The following MRPL21 variants were observed in gnomAD, a reference collection of about 807,000 sequenced individuals.
MRPL21 encodes large ribosomal subunit protein bL21m.
In MRPL21, 20 loss-of-function variants were observed where a neutral mutation model predicts 27.3. The ratio of observed to expected loss-of-function variants is 0.73; its 90% confidence interval spans 0.52 to 1.06. The LOEUF is 1.06. Among genes scored for constraint, MRPL21 ranks in the 50% least tolerant of loss-of-function variants. The pLI, the probability that MRPL21 is intolerant of heterozygous loss-of-function variation, is 0.00. For missense variants in MRPL21, 249 were observed against 251.4 expected (o/e 0.99, Z 0.06); for synonymous variants, 98 against 101.5 (o/e 0.97, Z 0.21).
intron 3 of MRPL21, 104 bp from the exon 4 acceptor site, chr11:68,896,782 C>T (rs3802749): frequency 0.29 from 425,002 of 1,468,762 alleles, 63,416 homozygotes; most frequent in Admixed American, 0.46. Context: ...GTGGACCTGA[C>T]AGCCAGCACC....
At chr11:68,892,007 G>A (rs1196085018) in intron 6 of MRPL21, 1 of 1,049,826 alleles carries the variant, frequency 9.5e-7, no homozygotes, top group Admixed American at 3.6e-5. Flanking sequence ...CTGCTTTGGG[G>A]ACAGTGCTAG....
At chr11:68,903,482 C>T (rs1402725257) in intron 1 of MRPL21, among the ~76,000 whole-genome samples, 1 of 152,222 alleles carries the variant, frequency 6.6e-6, no homozygotes, top group Non-Finnish European at 1.5e-5. Context: ...GAGCCTCACT[C>T]TTCTCCCCCA....
intron 4 of MRPL21, among the ~76,000 whole-genome samples, chr11:68,895,157 A>G (rs1445062416): frequency 1.3e-5 from 2 of 152,058 alleles, no homozygotes; most frequent in Admixed American, 6.6e-5. Flanking sequence ...CCAGCTACTC[A>G]GGAGGCTGAG....
intron 6 of MRPL21, chr11:68,891,811 T>C (rs1566412916): frequency 2.2e-6 from 1 of 463,542 alleles, no homozygotes; most frequent in South Asian, 5.8e-5. Flanking sequence ...TATTTAACTA[T>C]GCCCACTGTT....
chr11:68,899,027 A>G (rs1300849520), intron 2 of MRPL21, among the ~76,000 whole-genome samples: 1 of 152,132 alleles, frequency 6.6e-6, no homozygotes, highest in African/African-American at 2.4e-5. Flanking sequence ...GCCTCAAGTG[A>G]TCCGCCCACC....
In MRPL21 at chr11:68,896,603, C is replaced by T; in HGVS notation, c.308G>A (p.Ser103Asn). ...GRLFAVVHFA[S>N]RQWKVTSEDL... ...TTCAGAGGTCACCTTCCACTGGCGG[C>T]TGGCAAAGTGCACCACGGCAAAGAG... Residue 103 changes from serine to asparagine, a missense_variant, in exon 4 of 7, where the codon AGC (serine) becomes AAC (asparagine). By Grantham distance (46) the Ser-to-Asn change is conservative. Transcript: ENST00000362034. 6.2e-7 allele frequency: 1 copy of T among 1,614,236 alleles called. No individual in the cohort carries two copies. The highest frequency in any genetic ancestry group is 8.5e-7 in the Non-Finnish European group (1 of 1,180,036).
chr11:68,900,460 G>T, intron 2 of MRPL21, 88 bp downstream of exon 2: 1 of 1,187,514 alleles, frequency 8.4e-7, no homozygotes, highest in Non-Finnish European at 1.2e-6. Context: ...ATATTATTGA[G>T]AACCAAAAGG....
chr11:68,901,696 C>T (rs1857939341), intron 1 of MRPL21, among the ~76,000 whole-genome samples: 2 of 152,218 alleles, frequency 1.3e-5, no homozygotes, highest in South Asian at 2.1e-4. Flanking sequence ...GCATCCAGTC[C>T]GATGGATTTA....
At chr11:68,893,583 C>T in intron 4 of MRPL21, 128 bp from the exon 5 acceptor site, 2 of 1,219,822 alleles carry the variant, frequency 1.6e-6, no homozygotes, top group South Asian at 2.8e-5. Context: ...ACATGAATTT[C>T]ATCTGCTGTC....
intron 4 of MRPL21, 77 bp from the exon 5 acceptor site, chr11:68,893,532 T>C: frequency 1.3e-6 from 2 of 1,543,786 alleles, no homozygotes; most frequent in Admixed American, 1.7e-5. Flanking sequence ...CAGGTAGTGA[T>C]GTCAACACCA....
chr11:68,895,587 T>A (rs1857766743), intron 4 of MRPL21, among the ~76,000 whole-genome samples: 1 of 152,044 alleles, frequency 6.6e-6, no homozygotes, highest in African/African-American at 2.4e-5. Flanking sequence ...GAGGTGGGGG[T>A]TGCAGTGAGC....
intron 4 of MRPL21, among the ~76,000 whole-genome samples, chr11:68,895,705 G>T (rs1186945968): frequency 1.3e-5 from 2 of 152,138 alleles, no homozygotes; most frequent in Non-Finnish European, 2.9e-5. Flanking sequence ...GGGTCTCGCT[G>T]TGTTGCCCAG....
intron 6 of MRPL21, 190 bp from the exon 7 acceptor site, chr11:68,891,585 G>A: frequency 1.6e-6 from 1 of 636,374 alleles, no homozygotes; most frequent in Non-Finnish European, 2.8e-6. Flanking sequence ...GTTGGCAGGT[G>A]CAGAGGCTGG....
chr11:68,897,438 A>G lies in MRPL21; in HGVS notation c.232+489T>C, dbSNP rs138266342. ...CGCACGGAATCTCAAACGGTATTTA[A>G]CATATAAGAAGATTCCACTCGAGGA... On this transcript the variant is annotated intron_variant, in intron 3 of 6. Coordinates refer to ENST00000362034, the MANE Select transcript of MRPL21 (RefSeq NM_181514.2). 2.4e-3 allele frequency among the ~76,000 whole-genome samples: 362 copies of G among 152,336 alleles called. 2 individuals carry two copies. Among genetic ancestry groups the G allele is most frequent in the African/African-American group, 8.2e-3 (341 of 41,566 alleles).
chr11:68,895,689 G>C (rs1019569080), intron 4 of MRPL21, among the ~76,000 whole-genome samples: 1 of 151,944 alleles, frequency 6.6e-6, no homozygotes, highest in Admixed American at 6.6e-5. Context: ...AGTTTTTTTT[G>C]AGACAGGGTC....
In MRPL21 at chr11:68,903,737, G is replaced by A. The variant is rs138824749; in HGVS notation, c.74C>T (p.Ser25Leu). 5.9e-4 allele frequency: 947 copies of A among 1,613,272 alleles called. 4 individuals are homozygous for A. In the African/African-American group the frequency reaches 0.011, roughly 18 times the overall value. Reference sequence around the variant, plus strand: ...CCAGGTCTCACCTGCTCCGGGCCCCGAAGGTCTCAGGATGCTGTGGCTGCA... The same window carrying A: ...CCAGGTCTCACCTGCTCCGGGCCCCAAAGGTCTCAGGATGCTGTGGCTGCA... ...SACSHSILRP[S>L]GPGAASLWSA... The change falls in exon 1 of 7, where the codon TCG (serine) becomes TTG (leucine). Residue 25 changes from serine to leucine, a missense_variant. By Grantham distance (145) the Ser-to-Leu change is moderately radical (BLOSUM62 -2). Transcript: ENST00000362034.
At chr11:68,892,647 C>T (rs534599918) in intron 6 of MRPL21, 64 of 1,423,912 alleles carry the variant, frequency 4.5e-5, no homozygotes, top group African/African-American at 7.6e-5. Context: ...GGGTCACGTG[C>T]GGAGCGTGGA....
intron 4 of MRPL21, 120 bp downstream of exon 4, chr11:68,896,395 T>G: frequency 7.7e-7 from 1 of 1,291,938 alleles, no homozygotes; most frequent in Non-Finnish European, 1.1e-6. Context: ...AGCCTCAGCT[T>G]TGTTGGCCTC....
chr11:68,900,317 A>G (rs1382137114), intron 2 of MRPL21, among the ~76,000 whole-genome samples: 1 of 152,200 alleles, frequency 6.6e-6, no homozygotes, highest in Non-Finnish European at 1.5e-5. Flanking sequence ...TAAAGCTGAA[A>G]GTGGTGGTGC....
Sources: allele counts gnomAD v4.1 joint callset (sites outside exome capture counted in the v4.1 genomes callset), GRCh38; gene constraint gnomAD v4.1.1; transcripts MANE v1.5; gene names NCBI Gene and HGNC (gene_info 2026-07-23, HGNC 2026-07-21).